Variants in CAB39L observed in about 807,000 individuals in gnomAD.
CAB39L encodes the protein calcium binding protein 39 like, also known as calcium-binding protein 39-like.
In CAB39L, 23 loss-of-function variants were observed where a neutral mutation model predicts 39.1. The observed-to-expected ratio is 0.59, with a 90% CI of 0.42 to 0.83. CAB39L has a LOEUF of 0.83. Ranked by LOEUF, CAB39L falls within the 40% of genes least tolerant of loss-of-function variation. The probability of loss-of-function intolerance (pLI) is 0.00; values close to 1 mark genes in which losing one functional copy is unlikely to be tolerated. For synonymous variants in CAB39L, 126 were observed against 137.2 expected, an observed-to-expected ratio of 0.92 and a Z score of 0.57; for missense variants, 366 against 391.9, an observed-to-expected ratio of 0.93 and a Z score of 0.56.
In CAB39L at chr13:49,434,101, T is replaced by C. The variant is rs1173316403; in HGVS notation, c.-123A>G. On this transcript the variant is annotated 5_prime_UTR_variant, in exon 2 of 11. Transcript: ENST00000409308. Reference sequence around the variant, plus strand: ...GAAAACTTACGCTTCTCTCCTTTAGTGCATTGCTCTTGCATGAAGAATGAA... The same window carrying C: ...GAAAACTTACGCTTCTCTCCTTTAGCGCATTGCTCTTGCATGAAGAATGAA... 1 of 455,438 alleles carries C rather than the reference T, an allele frequency of 2.2e-6. No homozygotes were observed. The highest frequency in any genetic ancestry group is 2.4e-5 in the Admixed American group (1 of 42,130). 28.2% of individuals were successfully genotyped at this position (455,438 alleles called of 1,614,324 possible). A position where few individuals can be genotyped will look rare whatever the true frequency, so the allele number is the denominator to read the frequency against.
intron 10 of CAB39L, among the ~76,000 whole-genome samples, chr13:49,321,657 A>G (rs1208027427): frequency 6.6e-6 from 1 of 152,166 alleles, no homozygotes; most frequent in Non-Finnish European, 1.5e-5. Flanking sequence ...TTTCGTTCAA[A>G]TGTTCTTAAC....
chr13:49,423,099 G>A (rs945901003), intron 3 of CAB39L, among the ~76,000 whole-genome samples: 6 of 152,184 alleles, frequency 3.9e-5, no homozygotes, highest in African/African-American at 9.7e-5. Flanking sequence ...AGAAACAGCT[G>A]TGCTACTCAT....
At chr13:49,351,425 G>C (rs925040492) in intron 6 of CAB39L, among the ~76,000 whole-genome samples, 1 of 152,136 alleles carries the variant, frequency 6.6e-6, no homozygotes, top group Non-Finnish European at 1.5e-5. Context: ...GAGGAATAAA[G>C]CCTGTGTGAT....
At chr13:49,427,927 TCTTACAA>T (rs1957268067) in intron 3 of CAB39L, among the ~76,000 whole-genome samples, 2 of 152,154 alleles carry the variant, frequency 1.3e-5, no homozygotes, top group African/African-American at 4.8e-5. Context: ...CTCTCAGGAC[TCTTACAA>T]GGACACTAAT....
chr13:49,393,796 A>C (rs924135569), intron 3 of CAB39L, among the ~76,000 whole-genome samples: 4 of 152,004 alleles, frequency 2.6e-5, no homozygotes, highest in African/African-American at 9.7e-5. Context: ...TGTCCAAAAA[A>C]ATTTTTTTGG....
At chr13:49,417,028 T>C (rs1445167266) in intron 3 of CAB39L, among the ~76,000 whole-genome samples, 1 of 152,190 alleles carries the variant, frequency 6.6e-6, no homozygotes, top group Non-Finnish European at 1.5e-5. Flanking sequence ...CCTAAATAGA[T>C]ATTTGAATTA....
intron 10 of CAB39L, among the ~76,000 whole-genome samples, chr13:49,325,270 T>C: frequency 6.6e-6 from 1 of 152,354 alleles, no homozygotes; most frequent in Admixed American, 6.5e-5. Flanking sequence ...TAAGATCAAA[T>C]GAGGACACGA....
intron 3 of CAB39L, among the ~76,000 whole-genome samples, chr13:49,414,691 G>A (rs890132424): frequency 6.6e-6 from 1 of 152,010 alleles, no homozygotes; most frequent in Non-Finnish European, 1.5e-5. Context: ...TGTGTACAGA[G>A]ACATGCATAA....
chr13:49,310,754 G>C lies in CAB39L; in HGVS notation c.*60C>G. On this transcript the variant is annotated 3_prime_UTR_variant, in exon 11 of 11. Transcript: ENST00000409308. ...CCCAAGAATGATGACTTTCTGAAATGACACACTGTACAAACTGGACAAATG... is the reference window on the plus strand; with the variant it reads ...CCCAAGAATGATGACTTTCTGAAATCACACACTGTACAAACTGGACAAATG... 6.6e-7 allele frequency: 1 copy of C among 1,518,694 alleles called. No homozygotes were observed. Among genetic ancestry groups the C allele is most frequent in the South Asian group, 1.3e-5 (1 of 79,554 alleles). 94.1% of individuals were successfully genotyped at this position (1,518,694 alleles called of 1,614,324 possible).
At chr13:49,408,702 A>C (rs1370019881) in intron 3 of CAB39L, among the ~76,000 whole-genome samples, 1 of 151,656 alleles carries the variant, frequency 6.6e-6, no homozygotes, top group Non-Finnish European at 1.5e-5. Flanking sequence ...GTGGTGGTAC[A>C]CTCTTGTGGT....
At chr13:49,399,265 A>G (rs966577138) in intron 3 of CAB39L, among the ~76,000 whole-genome samples, 1 of 152,120 alleles carries the variant, frequency 6.6e-6, no homozygotes, top group African/African-American at 2.4e-5. Flanking sequence ...TTGTAGCAAG[A>G]AAAAGAGAAA....
At chr13:49,433,860 T>C (rs898859841) in intron 2 of CAB39L, among the ~76,000 whole-genome samples, 2 of 152,198 alleles carry the variant, frequency 1.3e-5, no homozygotes, top group African/African-American at 2.4e-5. Context: ...GCACAAAACA[T>C]AGAAGAGCAC....
At chr13:49,349,437 A>C (rs1229358496) in intron 7 of CAB39L, among the ~76,000 whole-genome samples, 2 of 148,184 alleles carry the variant, frequency 1.3e-5, no homozygotes, top group African/African-American at 5.0e-5. Context: ...AATGCTTTTG[A>C]AGAAATGAAT....
chr13:49,428,526 T>C (rs1415666434), intron 3 of CAB39L, among the ~76,000 whole-genome samples: 1 of 152,104 alleles, frequency 6.6e-6, no homozygotes, highest in Admixed American at 6.6e-5. Context: ...CAGCAGGTGG[T>C]GGGGGCCATC....
At chr13:49,316,470 T>C (rs1372522094) in intron 10 of CAB39L, among the ~76,000 whole-genome samples, 1 of 152,192 alleles carries the variant, frequency 6.6e-6, no homozygotes, top group Non-Finnish European at 1.5e-5. Flanking sequence ...TCCTAACTTA[T>C]GATATGAGGC....
chr13:49,381,186 G>C (rs7319046), intron 4 of CAB39L, among the ~76,000 whole-genome samples: 82,575 of 151,630 alleles, frequency 0.54, 23,852 homozygotes, highest in African/African-American at 0.72. Context: ...CCTCAGCCTC[G>C]CGAAGTGCTG....
At chr13:49,428,059 A>C (rs1480025366) in intron 3 of CAB39L, among the ~76,000 whole-genome samples, 1 of 152,260 alleles carries the variant, frequency 6.6e-6, no homozygotes, top group Non-Finnish European at 1.5e-5. Context: ...GGACACAATC[A>C]GTCTACTGCA....
intron 3 of CAB39L, among the ~76,000 whole-genome samples, chr13:49,405,707 AAGAAAG>A (rs1455947980): frequency 2.1e-5 from 3 of 145,752 alleles, no homozygotes; most frequent in African/African-American, 7.7e-5. Context: ...GAAAGAAAGA[AAGAAAG>A]AGAGAGAGGA....
chr13:49,418,321 G>A (rs1957118098), intron 3 of CAB39L, among the ~76,000 whole-genome samples: 1 of 152,180 alleles, frequency 6.6e-6, no homozygotes, highest in South Asian at 2.1e-4. Flanking sequence ...AAAATGTCCA[G>A]AATAGGCAAA....
Sources: gnomAD v4.1 joint callset for allele counts (sites outside exome capture counted in the v4.1 genomes callset) on GRCh38, gnomAD v4.1.1 for gene constraint, MANE v1.5 for transcripts, NCBI Gene and HGNC (gene_info 2026-07-23, HGNC 2026-07-21) for gene names.